The following LMF1 variants were observed in gnomAD, a reference collection of about 807,000 sequenced individuals.
LMF1 encodes the protein lipase maturation factor 1, also known as transmembrane protein 112.
LMF1 carries 68 observed loss-of-function variants against 60.6 expected under a neutral mutation model. That is an observed-to-expected ratio of 1.12 (90% CI 0.92 to 1.37). The LOEUF (loss-of-function observed/expected upper bound fraction) is 1.37, where lower values mean the gene tolerates loss of function less well. Ranked by LOEUF, LMF1 falls within the 40% of genes most tolerant of loss-of-function variation. The pLI is 0.00. For missense variants in LMF1, 948 were observed against 767.2 expected, an observed-to-expected ratio of 1.24 and a Z score of -2.78; for synonymous variants, 418 against 324.7, an observed-to-expected ratio of 1.29 and a Z score of -3.09.
intron 1 of LMF1, among the ~76,000 whole-genome samples, chr16:958,907 AAC>A (rs200584003): frequency 1.7e-5 from 2 of 116,276 alleles, no homozygotes; most frequent in Non-Finnish European, 1.8e-5. Flanking sequence ...AAAAAAACAA[AAC>A]AAAAAAAACA....
rs1162149348 is a variant in LMF1 at position 920,032 on chromosome 16, C to T, written c.515-8953G>A. ...TCGGCCCCCAGCACAACATCTGCAC[C>T]GGCCCTGGCCCGTCGGCTTAGCCCC... On this transcript the variant is annotated intron_variant, in intron 3 of 10. Coordinates refer to ENST00000262301, the MANE Select transcript of LMF1 (RefSeq NM_022773.4). Among the ~76,000 whole-genome samples the T allele has an allele frequency of 3.3e-5, 5 of 151,786 alleles. No homozygotes were observed. In the East Asian group the frequency reaches 5.8e-4, roughly 18 times the overall value.
intron 5 of LMF1, among the ~76,000 whole-genome samples, chr16:889,620 T>C (rs1005990775): frequency 3.9e-5 from 6 of 152,154 alleles, no homozygotes; most frequent in Non-Finnish European, 7.4e-5. Context: ...GGCACCCCCC[T>C]CTGACTCCTT....
chr16:930,323 G>A (rs1253773080), intron 3 of LMF1, among the ~76,000 whole-genome samples: 1 of 152,236 alleles, frequency 6.6e-6, no homozygotes, highest in East Asian at 1.9e-4. Flanking sequence ...CTCGCTGGAG[G>A]GGCTCTTACA....
chr16:973,310 A>G (rs2151501525), upstream of LMF1, among the ~76,000 whole-genome samples: 1 of 152,132 alleles, frequency 6.6e-6, no homozygotes, highest in South Asian at 2.1e-4. Flanking sequence ...GCGCCACTGC[A>G]CTCCAGCCTG....
At chr16:861,211 G>T (rs184148312) in intron 10 of LMF1, among the ~76,000 whole-genome samples, 1 of 152,148 alleles carries the variant, frequency 6.6e-6, no homozygotes, top group East Asian at 1.9e-4. Context: ...TAAGTATTTC[G>T]CTTTTTGGAG....
chr16:901,809 G>T (rs1233149274), intron 4 of LMF1: 1 of 152,228 alleles, frequency 6.6e-6, no homozygotes, highest in Admixed American at 6.5e-5. Context: ...GAGAGGCGCC[G>T]CCTGCCCCGC....
intron 2 of LMF1, 65 bp downstream of exon 2, chr16:954,292 C>T (rs1459167543): frequency 1.4e-6 from 2 of 1,475,248 alleles, no homozygotes; most frequent in Non-Finnish European, 1.9e-6. Context: ...TGCCAGGACA[C>T]CTGCAGTGCC....
intron 2 of LMF1, among the ~76,000 whole-genome samples, chr16:950,992 CAG>C (rs2072445107): frequency 1.4e-5 from 2 of 148,116 alleles, no homozygotes; most frequent in Non-Finnish European, 3.0e-5. Flanking sequence ...CAGCCAATGA[CAG>C]AGTCAGCCAA....
chr16:868,787 G>A (rs1204859700), intron 10 of LMF1, among the ~76,000 whole-genome samples, 157 bp downstream of exon 10: 2 of 140,206 alleles, frequency 1.4e-5, no homozygotes, highest in South Asian at 2.7e-4. Context: ...GGGGGGGGGG[G>A]GCCCTTTTTG....
upstream of LMF1, among the ~76,000 whole-genome samples, chr16:972,677 C>A (rs1218581115): frequency 6.6e-6 from 1 of 152,226 alleles, no homozygotes; most frequent in Non-Finnish European, 1.5e-5. Flanking sequence ...GCTGCCCTCA[C>A]AAGGAGGCTT....
intron 4 of LMF1, among the ~76,000 whole-genome samples, chr16:904,334 GT>G (rs1212179539): frequency 1.7e-5 from 2 of 118,000 alleles, no homozygotes; most frequent in African/African-American, 3.3e-5. Context: ...CTGCTGCGTG[GT>G]GGTGACCTCT....
intron 6 of LMF1, chr16:872,398 A>T (rs565484496): frequency 6.6e-6 from 1 of 152,364 alleles, no homozygotes; most frequent in African/African-American, 2.4e-5. Context: ...GTGTTTTATG[A>T]ACTGTGCACT....
Position 878,779 on chromosome 16 carries a change from G to A in LMF1, c.897+791C>T, listed in dbSNP as rs942695695. ...GGGCGGGCAGGGCAGGGGAAGGGGC[G>A]TGGGACACCCAGGTACATCTGTTTT... On this transcript the variant is annotated intron_variant, in intron 6 of 10. Coordinates refer to ENST00000262301, the MANE Select transcript of LMF1 (RefSeq NM_022773.4). This position sits in a 1 kb window ranked among gnomAD's most constrained non-coding sequence, Gnocchi z 5.2. Among the ~76,000 whole-genome samples, 27 of 152,070 alleles carry A rather than the reference G, an allele frequency of 1.8e-4. No homozygotes were observed. Among genetic ancestry groups the A allele is most frequent in the African/African-American group, 9.7e-5 (4 of 41,390 alleles).
At chr16:941,222 A>G (rs138193989) in intron 2 of LMF1, among the ~76,000 whole-genome samples, 28 of 151,420 alleles carry the variant, frequency 1.8e-4, no homozygotes, top group African/African-American at 6.3e-4. Flanking sequence ...TTGATACCTG[A>G]TTTTTTTAAA....
intron 5 of LMF1, among the ~76,000 whole-genome samples, chr16:889,419 G>A (rs2070412652): frequency 6.6e-6 from 1 of 151,820 alleles, no homozygotes; most frequent in Non-Finnish European, 1.5e-5. Context: ...TGGCCATGGT[G>A]GAGCAGTTCC....
intron 6 of LMF1, chr16:871,597 T>C (rs1009554567): frequency 1.4e-5 from 7 of 510,362 alleles, no homozygotes; most frequent in African/African-American, 9.7e-5. Context: ...GCAGGTTCTG[T>C]CCCTTGCTTT....
intron 1 of LMF1, among the ~76,000 whole-genome samples, chr16:963,452 CCT>C (rs556029936): frequency 2.4e-4 from 37 of 152,106 alleles, no homozygotes; most frequent in African/African-American, 4.3e-4. Context: ...GCATGGATGC[CCT>C]GTGTCCATGT....
At chr16:911,524 AGGCAGCACTGGGGG>A (rs1234746042) in intron 3 of LMF1, among the ~76,000 whole-genome samples, 13 of 90,874 alleles carry the variant, frequency 1.4e-4, no homozygotes, top group East Asian at 6.9e-4. Flanking sequence ...AGCACTGGGG[AGGCAGCACTGGGGG>A]GGCAGCACTG....
intron 6 of LMF1, among the ~76,000 whole-genome samples, chr16:879,094 G>A (rs1024368943): frequency 3.9e-5 from 6 of 152,142 alleles, no homozygotes; most frequent in African/African-American, 7.2e-5. Context: ...GGGGGTACCC[G>A]GGGTTCCGGG....
Sources: gnomAD v4.1 joint callset for allele counts (sites outside exome capture counted in the v4.1 genomes callset) on GRCh38, gnomAD v4.1.1 for gene constraint, Gnocchi (gnomAD v3.1) non-coding constraint, MANE v1.5 for transcripts, NCBI Gene and HGNC (gene_info 2026-07-23, HGNC 2026-07-21) for gene names.